The following TJP1 variants were observed in gnomAD, a reference collection of about 807,000 sequenced individuals.
The protein encoded by TJP1 is tight junction protein ZO-1.
In TJP1, 43 loss-of-function variants were observed where a neutral mutation model predicts 194.2. The observed-to-expected ratio is 0.22, with a 90% CI of 0.17 to 0.29. The LOEUF is 0.29. Among genes scored for constraint, TJP1 ranks in the 10% least tolerant of loss-of-function variants. The pLI, the probability that TJP1 is intolerant of heterozygous loss-of-function variation, is 1.00. For synonymous variants in TJP1, 801 were observed against 779.0 expected, an observed-to-expected ratio of 1.03 and a Z score of -0.47; for missense variants, 1,971 against 2,185.7, an observed-to-expected ratio of 0.90 and a Z score of 1.96.
intron 15 of TJP1, chr15:29,730,982 G>A (rs1390517803): frequency 2.3e-6 from 3 of 1,294,252 alleles, no homozygotes; most frequent in East Asian, 4.6e-5. Context: ...GAGATGCCAA[G>A]TGAAGTGTGT....
At chr15:29,908,208 G>GT (rs1459246436) in intron 2 of TJP1, among the ~76,000 whole-genome samples, 1 of 151,876 alleles carries the variant, frequency 6.6e-6, no homozygotes, top group Non-Finnish European at 1.5e-5. Flanking sequence ...TACTCAGCAA[G>GT]TACCCATCAC....
At chr15:29,795,810 C>T (rs771078902) in intron 2 of TJP1, among the ~76,000 whole-genome samples, 2 of 152,030 alleles carry the variant, frequency 1.3e-5, no homozygotes, top group Non-Finnish European at 2.9e-5. Context: ...AACATGTAAA[C>T]AATCAAGTAG....
At chr15:29,812,328 A>G (rs1468958685) in intron 1 of TJP1, among the ~76,000 whole-genome samples, 1 of 152,252 alleles carries the variant, frequency 6.6e-6, no homozygotes, top group Admixed American at 6.5e-5. Flanking sequence ...TACACATGGC[A>G]ATATATTTCA....
At chr15:29,730,724 A>G (rs1221112827) in intron 15 of TJP1, 22 of 766,828 alleles carry the variant, frequency 2.9e-5, no homozygotes, top group Non-Finnish European at 4.8e-5. Flanking sequence ...TGCCCAAGAG[A>G]AAGGCTGAAG....
chr15:29,782,721 T>C (rs1387278121), intron 2 of TJP1, among the ~76,000 whole-genome samples: 1 of 152,002 alleles, frequency 6.6e-6, no homozygotes, highest in Non-Finnish European at 1.5e-5. Context: ...AAAGAGCTTC[T>C]GCACAGCAAA....
At chr15:29,871,668 G>A (rs998075499) in intron 2 of TJP1, among the ~76,000 whole-genome samples, 2 of 152,224 alleles carry the variant, frequency 1.3e-5, no homozygotes, top group Non-Finnish European at 2.9e-5. Flanking sequence ...AAGCCGTCTT[G>A]GGCATACAGC....
At chr15:29,906,019 G>A (rs1190206654) in intron 2 of TJP1, among the ~76,000 whole-genome samples, 2 of 152,284 alleles carry the variant, frequency 1.3e-5, no homozygotes, top group Non-Finnish European at 2.9e-5. Flanking sequence ...AACTTTGCAT[G>A]ATAATGATGT....
At chr15:29,968,382 G>T in intron 1 of TJP1, 1 of 985,320 alleles carries the variant, frequency 1.0e-6, no homozygotes, top group Non-Finnish European at 1.2e-6. Flanking sequence ...GCCCGGGTGC[G>T]GGTGCCAGGC....
At chr15:29,729,190 T>C (rs1327412471) in intron 15 of TJP1, 1 of 152,088 alleles carries the variant, frequency 6.6e-6, no homozygotes, top group Non-Finnish European at 1.5e-5. Flanking sequence ...TCCCAGCCAC[T>C]AGGGGAGGCT....
chr15:29,898,275 T>C (rs1336727755), intron 2 of TJP1, among the ~76,000 whole-genome samples: 1 of 152,166 alleles, frequency 6.6e-6, no homozygotes. Context: ...AGCTCTCTTC[T>C]CTTGTCTGCC....
intron 1 of TJP1, chr15:29,967,985 C>T (rs1377750629): frequency 2.2e-6 from 2 of 902,892 alleles, no homozygotes; most frequent in African/African-American, 1.8e-5. Context: ...CCTGGGATTC[C>T]GCATGGATTA....
chr15:29,871,589 C>T (rs1324276667), intron 2 of TJP1, among the ~76,000 whole-genome samples: 3 of 152,208 alleles, frequency 2.0e-5, no homozygotes, highest in South Asian at 4.1e-4. Context: ...TGAGGAAGTG[C>T]GTTAGTCACG....
At chr15:29,776,334 TGAAGA>T (rs1179939284) in intron 2 of TJP1, among the ~76,000 whole-genome samples, 6 of 152,142 alleles carry the variant, frequency 3.9e-5, no homozygotes, top group African/African-American at 9.7e-5. Flanking sequence ...CTTTCACCGC[TGAAGA>T]GAAAACAAAG....
chr15:29,861,634 C>T (rs931152985), intron 2 of TJP1, among the ~76,000 whole-genome samples: 3 of 152,058 alleles, frequency 2.0e-5, no homozygotes, highest in Non-Finnish European at 4.4e-5. Flanking sequence ...TTTTAATTGG[C>T]TTGTCTTTTT....
At chr15:29,786,406 C>T (rs946318018) in intron 2 of TJP1, among the ~76,000 whole-genome samples, 1 of 152,090 alleles carries the variant, frequency 6.6e-6, no homozygotes, top group East Asian at 1.9e-4. Flanking sequence ...AAATTACCTA[C>T]CCTTTATTTT....
chr15:29,921,701 C>T (rs981109834), intron 2 of TJP1, among the ~76,000 whole-genome samples: 2 of 152,100 alleles, frequency 1.3e-5, no homozygotes, highest in Non-Finnish European at 2.9e-5. Context: ...TTTTCAACAG[C>T]TTAAACAGTT....
At chr15:29,839,033 C>G (rs1045902893) in intron 2 of TJP1, among the ~76,000 whole-genome samples, 4 of 113,748 alleles carry the variant, frequency 3.5e-5, no homozygotes, top group Non-Finnish European at 4.9e-5. Context: ...GAGTCTGGCT[C>G]TGTCACCCAG....
Position 29,718,679 on chromosome 15 carries a change from G to C in TJP1, c.3463C>G (p.Leu1155Val). Residue 1155 changes from leucine to valine, a missense_variant, in exon 21 of 28, where the codon CTG becomes GTG. By Grantham distance (32) the Leu-to-Val change is conservative. This residue lies in a region of TJP1 where 1,108 missense variants were observed against 1,128.5 expected (regional missense o/e 0.98). Transcript: ENST00000614355. ...GGAGCTGGCTGCTCTTCGTGCCGCA[G>C]GGCGGATGCTCTAGGTGCCTGTTCG... ...RYEQAPRASA[L>V]RHEEQPAPGY... The C allele has an allele frequency of 1.2e-6, 2 of 1,614,182 alleles. No homozygotes were observed. The highest frequency in any genetic ancestry group is 1.7e-6 in the Non-Finnish European group (2 of 1,180,034).
At chr15:29,918,891 T>C (rs1214485358) in intron 2 of TJP1, among the ~76,000 whole-genome samples, 2 of 152,274 alleles carry the variant, frequency 1.3e-5, no homozygotes, top group Admixed American at 6.5e-5. Flanking sequence ...ATAGGATTTC[T>C]AGAGAGAAGA....
Sources: allele counts gnomAD v4.1 joint callset (sites outside exome capture counted in the v4.1 genomes callset), GRCh38; gene constraint gnomAD v4.1.1; regional missense constraint gnomAD v4.1.1; transcripts MANE v1.5; gene names NCBI Gene and HGNC (gene_info 2026-07-23, HGNC 2026-07-21).